The following NOS1 variants were observed in gnomAD, a reference collection of about 807,000 sequenced individuals.
NOS1 encodes NOS type I.
Under a neutral mutation model 164.5 loss-of-function variants are expected in NOS1, and 51 were observed. The observed-to-expected ratio is 0.31, with a 90% CI of 0.25 to 0.39. The LOEUF (loss-of-function observed/expected upper bound fraction) is 0.39, where lower values mean the gene tolerates loss of function less well. Among genes scored for constraint, NOS1 ranks in the 10% least tolerant of loss-of-function variants. The pLI is 1.00. For synonymous variants in NOS1, 719 were observed against 745.8 expected (o/e 0.96, Z 0.59); for missense variants, 1,362 against 1,885.6 (o/e 0.72, Z 5.14).
intron 17 of NOS1, among the ~76,000 whole-genome samples, chr12:117,250,909 T>C (rs1871052668): frequency 6.6e-6 from 1 of 152,230 alleles, no homozygotes; most frequent in Admixed American, 6.5e-5. Flanking sequence ...CCGCTGACAC[T>C]GTCAATCACT....
chr12:117,226,868 G>T, intron 23 of NOS1, 98 bp from the exon 24 acceptor site: 1 of 893,134 alleles, frequency 1.1e-6, no homozygotes, highest in Non-Finnish European at 1.8e-6. Context: ...CCAGTGCCAA[G>T]TTTATCCTTT....
At chr12:117,346,111 G>C in intron 1 of NOS1, among the ~76,000 whole-genome samples, 1 of 152,232 alleles carries the variant, frequency 6.6e-6, no homozygotes, top group South Asian at 2.1e-4. Context: ...AGCAGCTGCA[G>C]GGAGGTGATG....
chr12:117,227,815 C>T (rs530025747), intron 22 of NOS1, among the ~76,000 whole-genome samples, 174 bp from the exon 23 acceptor site: 296 of 152,196 alleles, frequency 1.9e-3, no homozygotes, highest in African/African-American at 6.8e-3. Context: ...TCACTTGAGG[C>T]TAGGAGTTCA....
intron 2 of NOS1, among the ~76,000 whole-genome samples, chr12:117,325,131 A>G (rs1875180627): frequency 6.6e-6 from 1 of 152,090 alleles, no homozygotes; most frequent in African/African-American, 2.4e-5. Context: ...ACTGTCACCC[A>G]AGTCAGTGGG....
chr12:117,306,555 G>A (rs1185279350), intron 3 of NOS1, among the ~76,000 whole-genome samples: 1 of 151,396 alleles, frequency 6.6e-6, no homozygotes, highest in Admixed American at 6.6e-5. Flanking sequence ...GAGCACCAAA[G>A]ACAACCTCAG....
chr12:117,283,036 T>TTATATATATATA (rs397851004), intron 7 of NOS1, among the ~76,000 whole-genome samples: 2 of 125,438 alleles, frequency 1.6e-5, no homozygotes, highest in African/African-American at 3.1e-5. Flanking sequence ...TCCTATAACA[T>TTATATATATATA]TATATATATA....
In NOS1 at chr12:117,359,923, T is replaced by G. The variant is rs1877053788; in HGVS notation, c.-421+1589A>C. Among the ~76,000 whole-genome samples, 2 of 81,668 alleles carry G rather than the reference T, an allele frequency of 2.4e-5. 1 individual carries two copies. Among genetic ancestry groups the G allele is most frequent in the Non-Finnish European group, 4.7e-5 (2 of 42,458 alleles). 53.6% of individuals were successfully genotyped at this position (81,668 alleles called of 152,430 possible). ...ATATATATATATATATATATATATA[T>G]ATATATATATATCAGCAACACTTCC... On this transcript the variant is annotated intron_variant, in intron 1 of 28. Transcript: ENST00000317775.
rs764460373 is a variant in NOS1, at chr12:117,256,020, C to T, written c.2532-2266G>A. The stretch of plus-strand genomic sequence containing the variant: ...GGGAGGCCCTTTACGGGGAAAGAAA[C>T]GCAAGGGTTCCGGGTACCTAGAGGG... On this transcript the variant is annotated intron_variant, in intron 16 of 28. Transcript: ENST00000317775. The T allele has an allele frequency of 2.2e-5, 32 of 1,451,218 alleles. No homozygotes were observed. In the Admixed American group the frequency reaches 2.9e-4, roughly 13 times the overall value. The allele number at this position is 1,451,218 out of a possible 1,614,324, so 89.9% of individuals were successfully genotyped here.
chr12:117,263,884 C>G lies in NOS1; in HGVS notation c.2222+5G>C. On this transcript the variant is annotated splice_donor_5th_base_variant and intron_variant, in intron 13 of 28. Transcript: ENST00000317775. ...CACCCCACCCGCCCACTGCACGAAACTTACTCTGCTAGCTTCTTGAAGCCA... is the reference window on the plus strand; with the variant it reads ...CACCCCACCCGCCCACTGCACGAAAGTTACTCTGCTAGCTTCTTGAAGCCA... 4 of 1,613,344 alleles carry G rather than the reference C, an allele frequency of 2.5e-6. No individual in the cohort carries two copies. Among genetic ancestry groups the G allele is most frequent in the Non-Finnish European group, 3.4e-6 (4 of 1,179,394 alleles).
chr12:117,264,079 G>A (rs2293055), intron 12 of NOS1, 105 bp from the exon 13 acceptor site: 61,252 of 761,228 alleles, frequency 0.08, 3,047 homozygotes, highest in Non-Finnish European at 0.091. Flanking sequence ...CCTGACCCTC[G>A]GCCTCTGAAG....
intron 1 of NOS1, among the ~76,000 whole-genome samples, chr12:117,357,241 T>C (rs1267706768): frequency 6.6e-6 from 1 of 152,156 alleles, no homozygotes. Flanking sequence ...GATGATCATT[T>C]GAGCCCAGGA....
At chr12:117,256,284 G>GTTGTTTTTTTT (rs549611283) in intron 16 of NOS1, among the ~76,000 whole-genome samples, 1 of 118,486 alleles carries the variant, frequency 8.4e-6, no homozygotes, top group Non-Finnish European at 1.6e-5. Flanking sequence ...GGGATTTTCT[G>GTTGTTTTTTTT]TTTTTTTTTT....
intron 3 of NOS1, among the ~76,000 whole-genome samples, chr12:117,302,673 G>A (rs2136044622): frequency 6.6e-6 from 1 of 151,782 alleles, no homozygotes; most frequent in South Asian, 2.1e-4. Flanking sequence ...CCTCAGTGCT[G>A]TGGGCTCATG....
rs1290435818 is a variant in NOS1 at position 117,243,047 on chromosome 12, TAGTTG to T, written c.2962+245_2962+249del. 2.0e-5 allele frequency among the ~76,000 whole-genome samples: 3 copies of T among 152,008 alleles called. No homozygotes were observed. The highest frequency in any genetic ancestry group is 1.3e-4 in the Admixed American group (2 of 15,260). The stretch of plus-strand genomic sequence containing the variant: ...GGTAGTGCAGAACAAAAAGAAAATA[TAGTTG>T]AGTTAAGTTGAGAAGAGGATGGTTT... On this transcript the variant is annotated intron_variant, in intron 19 of 28. Transcript: ENST00000317775. The surrounding 1 kb of genome is among the most constrained non-coding windows in gnomAD (Gnocchi z 4.3).
rs557713100 is a variant in NOS1, at chr12:117,360,826, C to G, written c.-421+686G>C. 1.3e-3 allele frequency among the ~76,000 whole-genome samples: 205 copies of G among 152,106 alleles called. 1 individual carries two copies. The highest frequency in any genetic ancestry group is 4.7e-3 in the African/African-American group (196 of 41,518). On this transcript the variant is annotated intron_variant, in intron 1 of 28. Coordinates refer to ENST00000317775, the MANE Select transcript of NOS1 (RefSeq NM_000620.5). ...AGGGACTGGCATCCCCCAGCCCGGG[C>G]TGCCCGCGGGAGGGTAGCGAGCTGT...
At chr12:117,231,928 G>A (rs761925530) in intron 22 of NOS1, 34 bp downstream of exon 22, 20 of 1,587,148 alleles carry the variant, frequency 1.3e-5, no homozygotes, top group Admixed American at 7.1e-5. Context: ...GGTGAAATGC[G>A]CCCCCTAGGG....
At chr12:117,269,218 T>C (rs906189347) in intron 10 of NOS1, among the ~76,000 whole-genome samples, 1 of 152,086 alleles carries the variant, frequency 6.6e-6, no homozygotes, top group Admixed American at 6.6e-5. Flanking sequence ...AGCCAGATAT[T>C]CGCAGATCTG....
At position 117,210,558 on chromosome 12, in the gene NOS1, G is replaced by A; in HGVS notation, c.*4751C>T. On this transcript the variant is annotated 3_prime_UTR_variant, in exon 29 of 29. Transcript: ENST00000317775. ...AAGTCCACAGATTTCCTAATGGCAA[G>A]AATGAAAAGGCTGCATTAGGCGCTG... 2 of 985,488 alleles carry A rather than the reference G, an allele frequency of 2.0e-6. No individual in the cohort carries two copies. The highest frequency in any genetic ancestry group is 4.7e-5 in the South Asian group (1 of 21,286). 61.0% of individuals were successfully genotyped at this position (985,488 alleles called of 1,614,324 possible). A position where few individuals can be genotyped will look rare whatever the true frequency, so the allele number is the denominator to read the frequency against.
At position 117,340,871 on chromosome 12, in the gene NOS1, C is replaced by CTTTTT. The variant is rs775978271; in HGVS notation, c.-420-9383_-420-9382insAAAAA. ...CCTGAGTAGCTGATATCACACCTGGCTATTTTTTTTTTTTTTTTTTTTTTT... is the reference window on the plus strand; with the variant it reads ...CCTGAGTAGCTGATATCACACCTGGCTTTTTTATTTTTTTTTTTTTTTTTTTTTTT... On this transcript the variant is annotated intron_variant, in intron 1 of 28. Transcript: ENST00000317775. Among the ~76,000 whole-genome samples, 19 of 96,442 alleles carry CTTTTT rather than the reference C, an allele frequency of 2.0e-4. 1 individual carries two copies. The highest frequency in any genetic ancestry group is 3.2e-4 in the Admixed American group (3 of 9,240). 63.3% of individuals were successfully genotyped at this position (96,442 alleles called of 152,430 possible). A position where few individuals can be genotyped will look rare whatever the true frequency, so the allele number is the denominator to read the frequency against.
Sources: gnomAD v4.1 joint callset for allele counts (sites outside exome capture counted in the v4.1 genomes callset) on GRCh38, gnomAD v4.1.1 for gene constraint, Gnocchi (gnomAD v3.1) non-coding constraint, MANE v1.5 for transcripts, NCBI Gene and HGNC (gene_info 2026-07-23, HGNC 2026-07-21) for gene names.